PTPRG: variants seen among roughly 807,000 people sequenced by gnomAD.
The protein encoded by PTPRG is receptor-type tyrosine-protein phosphatase gamma.
In PTPRG, 102 loss-of-function variants were observed where a neutral mutation model predicts 165.3. That is an observed-to-expected ratio of 0.62 (90% CI 0.53 to 0.73). The LOEUF is 0.73. PTPRG is among the 30% of genes least tolerant of loss of function. PTPRG has a pLI of 0.00. For synonymous variants in PTPRG, 675 were observed against 669.5 expected, an observed-to-expected ratio of 1.01 and a Z score of -0.13; for missense variants, 1,866 against 1,861.4, an observed-to-expected ratio of 1.00 and a Z score of -0.05.
rs1447915468 is a variant in PTPRG, at chr3:62,081,272, AC to A, written c.615+3015del. 2.8e-3 allele frequency among the ~76,000 whole-genome samples: 336 copies of A among 121,364 alleles called. 25 individuals carry two copies. The highest frequency in any genetic ancestry group is 8.1e-3 in the African/African-American group (290 of 35,622). 79.6% of individuals were successfully genotyped at this position (121,364 alleles called of 152,430 possible). On this transcript the variant is annotated intron_variant, in intron 5 of 29. Transcript: ENST00000474889. The stretch of plus-strand genomic sequence containing the variant: ...ACTCCGTCTCAAAACAAACAAACAA[AC>A]AAACAAACAAACAAACAAACAAAAA...
chr3:62,195,703 A>C lies in PTPRG; in HGVS notation c.1327+533A>C, dbSNP rs1490558162. Among the ~76,000 whole-genome samples, 1 of 152,200 alleles carries C rather than the reference A, an allele frequency of 6.6e-6. No individual in the cohort carries two copies. The highest frequency in any genetic ancestry group is 1.9e-4 in the East Asian group (1 of 5,186). ...AGGTCCAGGGCCAGAACTAGGGTGA[A>C]GCAAATGGGACATTTGCCTTTGCTC... On this transcript the variant is annotated intron_variant, in intron 10 of 29. Transcript: ENST00000474889. The surrounding 1 kb of genome is among the most constrained non-coding windows in gnomAD (Gnocchi z 4.4).
intron 1 of PTPRG, among the ~76,000 whole-genome samples, chr3:61,568,983 T>C (rs184014674): frequency 1.3e-5 from 2 of 152,118 alleles, no homozygotes; most frequent in South Asian, 2.1e-4. Flanking sequence ...GGTTTCTATA[T>C]GTGCCTGGTT....
At chr3:61,562,650 G>A (rs1282692495) in intron 1 of PTPRG, among the ~76,000 whole-genome samples, 3 of 151,908 alleles carry the variant, frequency 2.0e-5, no homozygotes, top group African/African-American at 7.2e-5. Flanking sequence ...GTCCTGGGGA[G>A]CTGGAATCGG....
intron 2 of PTPRG, among the ~76,000 whole-genome samples, chr3:61,897,819 G>A (rs1190331772): frequency 6.6e-6 from 1 of 152,122 alleles, no homozygotes; most frequent in African/African-American, 2.4e-5. Context: ...TTTCTCTAGA[G>A]TACAGTTATA....
chr3:62,207,115 C>A (rs1700250880), intron 12 of PTPRG, among the ~76,000 whole-genome samples: 1 of 152,100 alleles, frequency 6.6e-6, no homozygotes. Context: ...CAAACTTTTT[C>A]AGCTAAGGGC....
At chr3:61,740,386 T>G (rs529032467) in intron 1 of PTPRG, among the ~76,000 whole-genome samples, 6 of 152,206 alleles carry the variant, frequency 3.9e-5, no homozygotes, top group Non-Finnish European at 7.3e-5. Context: ...TCATCACAAA[T>G]GTATAATGAG....
chr3:61,892,172 A>G (rs1041991053), intron 2 of PTPRG, among the ~76,000 whole-genome samples: 2 of 152,216 alleles, frequency 1.3e-5, no homozygotes, highest in African/African-American at 4.8e-5. Context: ...ACATTCTCCA[A>G]TCCATTCAAC....
intron 1 of PTPRG, chr3:61,742,820 T>A: frequency 6.2e-7 from 1 of 1,605,040 alleles, no homozygotes; most frequent in Non-Finnish European, 8.5e-7. Context: ...ACCAGTTTTT[T>A]ATTCTTTTTG....
At chr3:61,692,418 C>T (rs1416233295) in intron 1 of PTPRG, among the ~76,000 whole-genome samples, 2 of 152,144 alleles carry the variant, frequency 1.3e-5, no homozygotes, top group Admixed American at 6.6e-5. Flanking sequence ...GGTTGTGGCA[C>T]ATGTTGTTTG....
intron 4 of PTPRG, among the ~76,000 whole-genome samples, chr3:62,049,687 T>A (rs772145671): frequency 6.6e-6 from 1 of 152,170 alleles, no homozygotes; most frequent in Non-Finnish European, 1.5e-5. Context: ...CTGGGGAAAC[T>A]TAGACATGTA....
intron 16 of PTPRG, among the ~76,000 whole-genome samples, chr3:62,261,490 A>C (rs879903718): frequency 6.6e-6 from 1 of 152,174 alleles, no homozygotes; most frequent in Non-Finnish European, 1.5e-5. Flanking sequence ...GTTATAAACT[A>C]TGTTAGAACA....
At chr3:62,092,289 A>G (rs1286187550) in intron 5 of PTPRG, among the ~76,000 whole-genome samples, 1 of 151,646 alleles carries the variant, frequency 6.6e-6, no homozygotes, top group South Asian at 2.1e-4. Context: ...AAAATACAAA[A>G]TTTAGCTGGC....
chr3:61,850,229 C>A (rs976589704), intron 2 of PTPRG, among the ~76,000 whole-genome samples: 1 of 152,132 alleles, frequency 6.6e-6, no homozygotes, highest in African/African-American at 2.4e-5. Context: ...ATGGTGCAAT[C>A]TTGGCTCACT....
At chr3:61,986,468 G>A (rs747826551) in intron 2 of PTPRG, among the ~76,000 whole-genome samples, 2 of 152,208 alleles carry the variant, frequency 1.3e-5, no homozygotes, top group Non-Finnish European at 2.9e-5. Flanking sequence ...GGTTTCAGAT[G>A]TGTTTATTGA....
Position 62,273,065 on chromosome 3 carries a change from A to G in PTPRG, c.3302A>G (p.Tyr1101Cys), listed in dbSNP as rs768556193. 7 of 1,612,716 alleles carry G rather than the reference A, an allele frequency of 4.3e-6. No homozygotes were observed. The South Asian group carries it at 7.7e-5, about 18-fold the overall frequency. ...AAGCATATCAGGACACAGCGTAACT[A>G]CCTCGTCCAGACTGAGGTAAGGAGT... ...FLKHIRTQRNYLVQTEEQYIF... is the reference protein window; with the variant it reads ...FLKHIRTQRNCLVQTEEQYIF... Residue 1101 changes from tyrosine to cysteine, a missense_variant, in exon 22 of 30, where the codon TAC becomes TGC. This residue lies in a region of PTPRG where 1,452 missense variants were observed against 1,463.0 expected (regional missense o/e 0.99). Coordinates refer to ENST00000474889, the MANE Select transcript of PTPRG (RefSeq NM_002841.4). This position sits in a 1 kb window ranked among gnomAD's most constrained non-coding sequence, Gnocchi z 4.1.
intron 4 of PTPRG, among the ~76,000 whole-genome samples, chr3:62,038,666 G>A (rs1199537170): frequency 6.6e-6 from 1 of 152,202 alleles, no homozygotes; most frequent in Non-Finnish European, 1.5e-5. Context: ...AAAGTGCTGG[G>A]ATTACAGGTG....
chr3:61,982,794 T>C (rs928375351), intron 2 of PTPRG, among the ~76,000 whole-genome samples: 3 of 152,254 alleles, frequency 2.0e-5, no homozygotes, highest in South Asian at 2.1e-4. Flanking sequence ...TTACCTGAAA[T>C]AGTTTTAACA....
At chr3:62,275,824 C>G in intron 23 of PTPRG, 49 bp from the exon 24 acceptor site, 3 of 1,384,366 alleles carry the variant, frequency 2.2e-6, no homozygotes, top group East Asian at 4.7e-5. Flanking sequence ...CAAGCAAATG[C>G]TATCAATTAT....
chr3:61,991,675 C>A (rs551021671), intron 3 of PTPRG, among the ~76,000 whole-genome samples: 1 of 152,160 alleles, frequency 6.6e-6, no homozygotes, highest in African/African-American at 2.4e-5. Flanking sequence ...ATGTAGTGGG[C>A]GAGAGCTTTG....
Sources: allele counts gnomAD v4.1 joint callset (sites outside exome capture counted in the v4.1 genomes callset), GRCh38; gene constraint gnomAD v4.1.1; regional missense constraint gnomAD v4.1.1; non-coding constraint Gnocchi (gnomAD v3.1); transcripts MANE v1.5; gene names NCBI Gene and HGNC (gene_info 2026-07-23, HGNC 2026-07-21).